The following SYNDIG1 variants were observed in gnomAD, a reference collection of about 807,000 sequenced individuals.
SYNDIG1 encodes synapse differentiation inducing 1.
In SYNDIG1, 9 loss-of-function variants were observed where a neutral mutation model predicts 19.4. The observed-to-expected ratio is 0.46, with a 90% CI of 0.28 to 0.81. The LOEUF (loss-of-function observed/expected upper bound fraction) is 0.81, where lower values mean the gene tolerates loss of function less well. Ranked by LOEUF, SYNDIG1 falls within the 30% of genes least tolerant of loss-of-function variation. SYNDIG1 has a pLI of 0.12. For synonymous variants in SYNDIG1, 141 were observed against 145.9 expected (o/e 0.97, Z 0.24); for missense variants, 311 against 343.3 (o/e 0.91, Z 0.74).
intron 3 of SYNDIG1, among the ~76,000 whole-genome samples, chr20:24,587,170 C>T (rs2058430578): frequency 6.6e-6 from 1 of 152,122 alleles, no homozygotes; most frequent in South Asian, 2.1e-4. Flanking sequence ...GAAACATTTT[C>T]GGGGGTGGGT....
chr20:24,618,819 C>T (rs540963523), intron 3 of SYNDIG1, among the ~76,000 whole-genome samples: 105 of 146,504 alleles, frequency 7.2e-4, no homozygotes, highest in African/African-American at 2.3e-3. Context: ...TTTCCTTTTT[C>T]CTTTCTTTGT....
chr20:24,595,643 T>C (rs765832582), intron 3 of SYNDIG1, among the ~76,000 whole-genome samples: 3 of 152,196 alleles, frequency 2.0e-5, no homozygotes, highest in African/African-American at 2.4e-5. Flanking sequence ...GTTGCTAAGC[T>C]TTCTATTTCT....
At chr20:24,524,603 G>C (rs1198699675) in intron 1 of SYNDIG1, among the ~76,000 whole-genome samples, 2 of 150,830 alleles carry the variant, frequency 1.3e-5, no homozygotes, top group African/African-American at 2.4e-5. Context: ...CTGAGATCGC[G>C]CCACTGCACT....
intron 2 of SYNDIG1, among the ~76,000 whole-genome samples, chr20:24,560,635 T>A (rs974596291): frequency 6.6e-6 from 1 of 152,018 alleles, no homozygotes; most frequent in Admixed American, 6.5e-5. Flanking sequence ...GAAGTCTTTT[T>A]TTTACTGAAT....
At chr20:24,582,857 C>G (rs1030883219) in intron 2 of SYNDIG1, among the ~76,000 whole-genome samples, 1 of 152,342 alleles carries the variant, frequency 6.6e-6, no homozygotes, top group Middle Eastern at 3.4e-3. Flanking sequence ...GCAGCGACTC[C>G]TTGACCTGTG....
rs745762722 is a variant in SYNDIG1 at position 24,543,413 on chromosome 20, G to A, written c.316G>A (p.Val106Met). ...CGTGCTGCGCTCCTGGGGGGACGGTGTGGCCGCCGACTGCTGCGAGACCAC... is the reference window on the plus strand; with the variant it reads ...CGTGCTGCGCTCCTGGGGGGACGGTATGGCCGCCGACTGCTGCGAGACCAC... The part of the protein sequence containing the change: ...EGVLRSWGDG[V>M]AADCCETTFI... Residue 106 changes from valine to methionine, a missense_variant, in exon 2 of 4, where the codon GTG (valine) becomes ATG (methionine). Transcript: ENST00000376862. The A allele has an allele frequency of 3.7e-6, 6 of 1,613,580 alleles. No individual in the cohort carries two copies. In the African/African-American group the frequency reaches 6.7e-5, roughly 18 times the overall value.
chr20:24,627,307 G>T lies in SYNDIG1; in HGVS notation c.619-38039G>T, dbSNP rs777262079. Among the ~76,000 whole-genome samples the T allele has an allele frequency of 4.9e-4, 75 of 152,304 alleles. 1 individual carries two copies. Among genetic ancestry groups the T allele is most frequent in the South Asian group, 1.2e-3 (6 of 4,830 alleles). ...ATACAAATGACAAAGCTCACTGGAG[G>T]AGCAAGGGATAACCTGATTGCTCTA... On this transcript the variant is annotated intron_variant, in intron 3 of 3. Coordinates refer to ENST00000376862, the MANE Select transcript of SYNDIG1 (RefSeq NM_024893.3).
At chr20:24,590,583 G>A (rs1017714550) in intron 3 of SYNDIG1, among the ~76,000 whole-genome samples, 1 of 152,102 alleles carries the variant, frequency 6.6e-6, no homozygotes, top group Non-Finnish European at 1.5e-5. Context: ...GGGGAGCTGC[G>A]GGGTGTCTTC....
chr20:24,504,701 A>C (rs957767727), intron 1 of SYNDIG1, among the ~76,000 whole-genome samples: 1 of 152,230 alleles, frequency 6.6e-6, no homozygotes, highest in Non-Finnish European at 1.5e-5. Flanking sequence ...AAGGCCAGTC[A>C]CGAGGGAACA....
intron 1 of SYNDIG1, among the ~76,000 whole-genome samples, chr20:24,490,894 G>A (rs915598577): frequency 1.3e-5 from 2 of 152,222 alleles, no homozygotes; most frequent in African/African-American, 4.8e-5. Flanking sequence ...GTGAGTGGAG[G>A]TGGAGCCAGG....
intron 1 of SYNDIG1, among the ~76,000 whole-genome samples, chr20:24,531,989 G>A (rs1183122629): frequency 6.6e-6 from 1 of 152,178 alleles, no homozygotes; most frequent in Non-Finnish European, 1.5e-5. Flanking sequence ...GGATTTGTCT[G>A]GTCCATCTAA....
intron 3 of SYNDIG1, among the ~76,000 whole-genome samples, chr20:24,660,655 G>C (rs1036492194): frequency 6.6e-6 from 1 of 152,212 alleles, no homozygotes; most frequent in Admixed American, 6.5e-5. Flanking sequence ...TCTCGTACAC[G>C]GCTTGCTTTC....
intron 1 of SYNDIG1, among the ~76,000 whole-genome samples, chr20:24,501,759 C>G (rs1568589205): frequency 6.6e-6 from 1 of 152,214 alleles, no homozygotes; most frequent in Non-Finnish European, 1.5e-5. Flanking sequence ...GCACTAGACT[C>G]TGTCTTACAG....
chr20:24,587,703 G>T (rs959104008), intron 3 of SYNDIG1, among the ~76,000 whole-genome samples: 1 of 152,272 alleles, frequency 6.6e-6, no homozygotes, highest in African/African-American at 2.4e-5. Context: ...AGCCCTCTCT[G>T]CCGCAGTGGC....
intron 3 of SYNDIG1, among the ~76,000 whole-genome samples, chr20:24,613,349 C>G (rs2058878561): frequency 6.6e-6 from 1 of 152,168 alleles, no homozygotes; most frequent in Non-Finnish European, 1.5e-5. Context: ...CCATCCGCAC[C>G]TGGACAGCCG....
chr20:24,624,128 G>C (rs1022130042), intron 3 of SYNDIG1, among the ~76,000 whole-genome samples: 3 of 151,990 alleles, frequency 2.0e-5, no homozygotes, highest in East Asian at 3.9e-4. Context: ...TGAGTGTGGT[G>C]GTGGGTGCCT....
chr20:24,588,418 C>T (rs544151650), intron 3 of SYNDIG1, among the ~76,000 whole-genome samples: 54 of 152,332 alleles, frequency 3.5e-4, no homozygotes, highest in East Asian at 2.1e-3. Context: ...ACCTACTGTG[C>T]GCCAGGTTCA....
intron 1 of SYNDIG1, among the ~76,000 whole-genome samples, chr20:24,518,631 A>C (rs1375731087): frequency 1.3e-5 from 2 of 152,198 alleles, no homozygotes; most frequent in East Asian, 3.8e-4. Context: ...CTCTGGGCAG[A>C]AGGTGCTGGG....
At chr20:24,496,872 T>C (rs944224380) in intron 1 of SYNDIG1, among the ~76,000 whole-genome samples, 5 of 152,212 alleles carry the variant, frequency 3.3e-5, no homozygotes, top group Non-Finnish European at 5.9e-5. Flanking sequence ...ATTTTTTCTT[T>C]AGTGATGTAA....
Sources: allele counts gnomAD v4.1 joint callset (sites outside exome capture counted in the v4.1 genomes callset), GRCh38; gene constraint gnomAD v4.1.1; transcripts MANE v1.5; gene names NCBI Gene and HGNC (gene_info 2026-07-23, HGNC 2026-07-21).